Variants in PTPRE observed in about 807,000 individuals in gnomAD.
The protein encoded by PTPRE is protein tyrosine phosphatase receptor type E.
A neutral mutation model predicts 102.0 loss-of-function variants in PTPRE; 51 were observed. The observed-to-expected ratio is 0.50, with a 90% CI of 0.40 to 0.63. PTPRE has a LOEUF of 0.63. Among genes scored for constraint, PTPRE ranks in the 30% least tolerant of loss-of-function variants. PTPRE has a pLI of 0.00. For synonymous variants in PTPRE, 345 were observed against 348.2 expected, an observed-to-expected ratio of 0.99 and a Z score of 0.10; for missense variants, 752 against 915.1, an observed-to-expected ratio of 0.82 and a Z score of 2.30.
At chr10:128,026,307 G>A (rs1010454971) in intron 2 of PTPRE, among the ~76,000 whole-genome samples, 1 of 152,262 alleles carries the variant, frequency 6.6e-6, no homozygotes, top group Non-Finnish European at 1.5e-5. Flanking sequence ...GCTACTGTCA[G>A]GGGAGGGTCT....
rs1433361820 is a variant in PTPRE, at chr10:128,032,807, AAAAC to A, written c.-7-8062_-7-8059del. Among the ~76,000 whole-genome samples the A allele has an allele frequency of 1.3e-4, 20 of 152,364 alleles. 1 individual carries two copies. The highest frequency in any genetic ancestry group is 4.3e-4 in the African/African-American group (18 of 41,592). The stretch of plus-strand genomic sequence containing the variant: ...TGCAGGAAGTCAGTACAACTTGTAA[AAAAC>A]AAACAGTCTGAACTCTCTTCTTCCA... On this transcript the variant is annotated intron_variant, in intron 2 of 20. Coordinates refer to ENST00000254667, the MANE Select transcript of PTPRE (RefSeq NM_006504.6).
intron 2 of PTPRE, among the ~76,000 whole-genome samples, chr10:127,985,633 A>G (rs1852021466): frequency 6.6e-6 from 1 of 152,056 alleles, no homozygotes; most frequent in Admixed American, 6.6e-5. Flanking sequence ...TATCACTGCT[A>G]CTCTTATTAT....
At chr10:128,060,516 G>A (rs758040513) in intron 7 of PTPRE, among the ~76,000 whole-genome samples, 4 of 152,202 alleles carry the variant, frequency 2.6e-5, no homozygotes, top group Non-Finnish European at 5.9e-5. Flanking sequence ...AGTGGACCCA[G>A]TTCTCCTGTC....
At chr10:127,909,576 G>A (rs917814554) in intron 1 of PTPRE, among the ~76,000 whole-genome samples, 3 of 152,146 alleles carry the variant, frequency 2.0e-5, no homozygotes, top group Non-Finnish European at 4.4e-5. Flanking sequence ...AATCAAACTT[G>A]TGATCTCCCC....
chr10:128,059,051 G>A lies in PTPRE; in HGVS notation c.512-1888G>A, dbSNP rs116546284. Among the ~76,000 whole-genome samples, 331 of 152,326 alleles carry A rather than the reference G, an allele frequency of 2.2e-3. 3 individuals are homozygous for A. Among genetic ancestry groups the A allele is most frequent in the African/African-American group, 7.4e-3 (309 of 41,574 alleles). ...AATTTTAGGAAATAATGTTTTGAAT[G>A]TGAAGTGTGACTTTTTAGAATAAAA... On this transcript the variant is annotated intron_variant, in intron 7 of 20. Transcript: ENST00000254667.
chr10:127,917,098 A>G (rs1036827303), intron 1 of PTPRE, among the ~76,000 whole-genome samples: 7 of 152,044 alleles, frequency 4.6e-5, no homozygotes, highest in Admixed American at 4.6e-4. Flanking sequence ...TATAGGCAAC[A>G]TGACCATGTG....
chr10:127,910,816 G>A (rs1350913621), intron 1 of PTPRE, among the ~76,000 whole-genome samples: 1 of 152,204 alleles, frequency 6.6e-6, no homozygotes, highest in African/African-American at 2.4e-5. Context: ...GGGTGCAATG[G>A]TTCACACCTG....
At chr10:127,982,492 G>A (rs1406082663) in intron 2 of PTPRE, among the ~76,000 whole-genome samples, 196 bp downstream of exon 2, 9 of 45,740 alleles carry the variant, frequency 2.0e-4, no homozygotes, top group Non-Finnish European at 3.4e-4. Context: ...TCATTTGCGT[G>A]TGTGTGTGTG....
chr10:128,040,993 A>G lies in PTPRE; in HGVS notation c.109+3A>G. On this transcript the variant is annotated splice_donor_region_variant and intron_variant, in intron 3 of 20. Transcript: ENST00000254667. ...CAACGAGACAACCACGACCTCAGGT[A>G]AGGACCCCTTTCCCTGGCTGCCTCC... The G allele has an allele frequency of 6.2e-7, 1 of 1,613,748 alleles. No individual in the cohort carries two copies. Among genetic ancestry groups the G allele is most frequent in the Non-Finnish European group, 8.5e-7 (1 of 1,179,764 alleles).
intron 1 of PTPRE, among the ~76,000 whole-genome samples, chr10:127,957,411 T>C (rs1849483097): frequency 6.6e-6 from 1 of 152,236 alleles, no homozygotes; most frequent in Non-Finnish European, 1.5e-5. Context: ...TTCTCTTCCA[T>C]TCTGTTGGAT....
intron 19 of PTPRE, 107 bp downstream of exon 19, chr10:128,077,890 A>G (rs1851365575): frequency 3.0e-6 from 4 of 1,317,360 alleles, no homozygotes; most frequent in East Asian, 2.5e-5. Flanking sequence ...TGGCCATGGT[A>G]TTCCCTAGAG....
intron 2 of PTPRE, among the ~76,000 whole-genome samples, chr10:127,992,597 T>C (rs1199143183): frequency 1.3e-5 from 2 of 152,130 alleles, no homozygotes; most frequent in African/African-American, 4.8e-5. Context: ...CTCGGGGCAC[T>C]CAGGAAACAC....
Position 127,915,874 on chromosome 10 carries a change from T to C in PTPRE, c.-31+8565T>C, listed in dbSNP as rs111795870. 7.2e-4 allele frequency among the ~76,000 whole-genome samples: 110 copies of C among 152,210 alleles called. 1 individual carries two copies. The highest frequency in any genetic ancestry group is 2.3e-3 in the African/African-American group (97 of 41,530). On this transcript the variant is annotated intron_variant, in intron 1 of 20. Transcript: ENST00000254667. ...AACCTTACAATGGGTTTATTGGGCA[T>C]TGGGTACATTTTAAACTTATGATAT... is the stretch of plus-strand genomic sequence containing the variant.
chr10:127,994,091 G>A (rs185587498), intron 2 of PTPRE, among the ~76,000 whole-genome samples: 1 of 152,318 alleles, frequency 6.6e-6, no homozygotes, highest in East Asian at 1.9e-4. Context: ...TATGAAGGTA[G>A]CAGTTACAGA....
intron 17 of PTPRE, among the ~76,000 whole-genome samples, chr10:128,074,227 A>G (rs116701980): frequency 0.014 from 2,125 of 152,350 alleles, 61 homozygotes; most frequent in African/African-American, 0.048. Flanking sequence ...CATGCTTTCA[A>G]GGTTCATCTA....
intron 17 of PTPRE, among the ~76,000 whole-genome samples, chr10:128,074,463 C>T (rs1263229373): frequency 1.3e-5 from 2 of 152,112 alleles, no homozygotes; most frequent in African/African-American, 4.8e-5. Flanking sequence ...GTCAGGAGTT[C>T]GCGGCCAGCC....
chr10:127,946,026 C>T (rs575314663), intron 1 of PTPRE, among the ~76,000 whole-genome samples: 3 of 152,150 alleles, frequency 2.0e-5, no homozygotes, highest in Admixed American at 1.3e-4. Flanking sequence ...GCATCTGGCA[C>T]CTTGAGGTGA....
chr10:127,974,891 C>T (rs960323787), intron 1 of PTPRE, among the ~76,000 whole-genome samples: 1 of 137,912 alleles, frequency 7.3e-6, no homozygotes, highest in Non-Finnish European at 1.7e-5. Flanking sequence ...TCATACCTCC[C>T]CACCTCATAG....
intron 12 of PTPRE, chr10:128,068,924 T>C (rs552366737): frequency 6.6e-6 from 1 of 152,518 alleles, no homozygotes; most frequent in Non-Finnish European, 1.5e-5. Context: ...AGAGCCCCAC[T>C]TGTTCCTGGC....
Sources: gnomAD v4.1 joint callset for allele counts (sites outside exome capture counted in the v4.1 genomes callset) on GRCh38, gnomAD v4.1.1 for gene constraint, MANE v1.5 for transcripts, NCBI Gene and HGNC (gene_info 2026-07-23, HGNC 2026-07-21) for gene names.